Variants in XRRA1 observed in about 807,000 individuals in gnomAD.
XRRA1 encodes the protein X-ray radiation resistance-associated protein 1.
Under a neutral mutation model 80.2 loss-of-function variants are expected in XRRA1, and 69 were observed. The observed-to-expected ratio is 0.86, with a 90% CI of 0.71 to 1.05. The LOEUF (loss-of-function observed/expected upper bound fraction) is 1.05. XRRA1 is among the 50% of genes least tolerant of loss of function. The pLI is 0.00. For missense variants in XRRA1, 967 were observed against 976.4 expected, an observed-to-expected ratio of 0.99 and a Z score of 0.13; for synonymous variants, 348 against 389.9, an observed-to-expected ratio of 0.89 and a Z score of 1.27.
At chr11:74,890,276 C>T (rs1283589281) in intron 10 of XRRA1, among the ~76,000 whole-genome samples, 4 of 152,206 alleles carry the variant, frequency 2.6e-5, no homozygotes, top group African/African-American at 9.6e-5. Flanking sequence ...TACATGGAAA[C>T]TGAACAACCT....
chr11:74,933,259 T>C (rs1315905898), intron 5 of XRRA1: 1 of 152,104 alleles, frequency 6.6e-6, no homozygotes, highest in African/African-American at 2.4e-5. Flanking sequence ...AATTTTCTTT[T>C]CTTTTCTTTT....
At chr11:74,908,981 A>G (rs1377323482) in intron 8 of XRRA1, among the ~76,000 whole-genome samples, 1 of 152,202 alleles carries the variant, frequency 6.6e-6, no homozygotes, top group Non-Finnish European at 1.5e-5. Flanking sequence ...GCTGAGAGAC[A>G]GAACTTCCAG....
rs2054781623 is a variant in XRRA1 at position 74,907,150 on chromosome 11, G to T, written c.780C>A (p.Leu260=). 1 of 1,613,580 alleles carries T rather than the reference G, an allele frequency of 6.2e-7. No homozygotes were observed. The highest frequency in any genetic ancestry group is 1.7e-5 in the Admixed American group (1 of 60,014). The change falls in exon 9 of 19, where the codon CTC becomes CTA. Residue 260 remains leucine (L), a synonymous_variant. Coordinates refer to ENST00000684022, the MANE Select transcript of XRRA1 (RefSeq NM_001378157.1). The part of the protein sequence containing the change: ...NPSCFASLAG[L]RRLKKLSLDE... Reference sequence around the variant, plus strand: ...AGAAAGGCTTATGGCTTTACCTCCTGAGCCCAGCCAGGCTGGCAAAGCAAC... The same window carrying T: ...AGAAAGGCTTATGGCTTTACCTCCTTAGCCCAGCCAGGCTGGCAAAGCAAC...
intron 11 of XRRA1, among the ~76,000 whole-genome samples, chr11:74,860,684 A>G (rs1194082547): frequency 6.6e-6 from 1 of 152,184 alleles, no homozygotes; most frequent in African/African-American, 2.4e-5. Flanking sequence ...TCCCACATAC[A>G]TGCCCTTTTG....
rs944785103 is a variant in XRRA1 at position 74,896,836 on chromosome 11, A to G, written c.1003+9403T>C. Among the ~76,000 whole-genome samples, 8 of 152,332 alleles carry G rather than the reference A, an allele frequency of 5.3e-5. 1 individual carries two copies. Among genetic ancestry groups the G allele is most frequent in the African/African-American group, 1.9e-4 (8 of 41,584 alleles). On this transcript the variant is annotated intron_variant, in intron 10 of 18. Transcript: ENST00000684022. Reference sequence around the variant, plus strand: ...TTACCTAAGACAACCAAGATGGTGCATGTACAAGTTTGCAAAAATCACAGC... The same window carrying G: ...TTACCTAAGACAACCAAGATGGTGCGTGTACAAGTTTGCAAAAATCACAGC...
chr11:74,915,156 T>C (rs781733275), intron 8 of XRRA1, among the ~76,000 whole-genome samples: 1 of 152,346 alleles, frequency 6.6e-6, no homozygotes, highest in African/African-American at 2.4e-5. Flanking sequence ...ATGTATCTGA[T>C]TGGCCATTTG....
chr11:74,903,425 T>C (rs927475417), intron 10 of XRRA1, among the ~76,000 whole-genome samples: 1 of 152,202 alleles, frequency 6.6e-6, no homozygotes, highest in Non-Finnish European at 1.5e-5. Context: ...GTAACTAGGC[T>C]GGGCGCGGTG....
intron 10 of XRRA1, among the ~76,000 whole-genome samples, chr11:74,881,010 G>A (rs1180483128): frequency 0.011 from 1,533 of 144,344 alleles, 30 homozygotes; most frequent in African/African-American, 0.038. Context: ...CAATTCCTGG[G>A]TATCCTTGTT....
At chr11:74,912,017 G>C (rs1221585822) in intron 8 of XRRA1, among the ~76,000 whole-genome samples, 1 of 152,144 alleles carries the variant, frequency 6.6e-6, no homozygotes, top group East Asian at 1.9e-4. Flanking sequence ...CCATAGCCAG[G>C]AGAAAACTGT....
At chr11:74,899,957 T>TA (rs1171296577) in intron 10 of XRRA1, among the ~76,000 whole-genome samples, 1 of 151,670 alleles carries the variant, frequency 6.6e-6, no homozygotes, top group East Asian at 1.9e-4. Flanking sequence ...AAAAAAATAA[T>TA]AATACTGACC....
In XRRA1 at chr11:74,851,202, C is replaced by T. The variant is rs1490079480; in HGVS notation, c.1266G>A (p.Gly422=). 3 of 1,603,316 alleles carry T rather than the reference C, an allele frequency of 1.9e-6. No homozygotes were observed. The highest frequency in any genetic ancestry group is 2.6e-6 in the Non-Finnish European group (3 of 1,175,846). ...HNNPLVAHTR[G]VPPLLKSFLQ... is the part of the protein sequence containing the mutation. Reference sequence around the variant, plus strand: ...GGAAGCTCTTCAGCAGTGGAGGGACCCCTGGTGCCATGATGGGAAAATAAG... The same window carrying T: ...GGAAGCTCTTCAGCAGTGGAGGGACTCCTGGTGCCATGATGGGAAAATAAG... The change falls in exon 14 of 19, where the codon GGG becomes GGA. Residue 422 remains glycine, a splice_region_variant and synonymous_variant. Coordinates refer to ENST00000684022, the MANE Select transcript of XRRA1 (RefSeq NM_001378157.1).
intron 1 of XRRA1, among the ~76,000 whole-genome samples, chr11:74,948,511 A>C (rs1385909481): frequency 6.6e-6 from 1 of 152,242 alleles, no homozygotes; most frequent in Admixed American, 6.5e-5. Context: ...AAAATCTAGA[A>C]TACTATTACA....
intron 7 of XRRA1, among the ~76,000 whole-genome samples, chr11:74,927,015 C>T (rs916416335): frequency 2.6e-5 from 4 of 152,152 alleles, no homozygotes; most frequent in Non-Finnish European, 4.4e-5. Context: ...TCTTAAGCTC[C>T]ATGGCTCCTC....
intron 10 of XRRA1, among the ~76,000 whole-genome samples, chr11:74,881,121 A>G (rs1435643201): frequency 2.0e-5 from 3 of 147,190 alleles, no homozygotes; most frequent in Non-Finnish European, 3.0e-5. Flanking sequence ...GTCACTCAGG[A>G]CTTGCTTTAT....
At chr11:74,940,914 GAA>G in intron 2 of XRRA1, 32 bp from the exon 3 acceptor site, 1 of 1,554,056 alleles carries the variant, frequency 6.4e-7, no homozygotes, top group Non-Finnish European at 8.8e-7. Context: ...CAAGGAAGCA[GAA>G]GAGTGAAAAG....
chr11:74,852,437 CTT>C (rs2040109619), intron 12 of XRRA1, among the ~76,000 whole-genome samples: 1 of 152,180 alleles, frequency 6.6e-6, no homozygotes, highest in South Asian at 2.1e-4. Context: ...CGAACAAACT[CTT>C]TATCTCATAA....
At chr11:74,855,121 G>T (rs918596384) in intron 12 of XRRA1, among the ~76,000 whole-genome samples, 4 of 152,190 alleles carry the variant, frequency 2.6e-5, no homozygotes, top group Non-Finnish European at 5.9e-5. Flanking sequence ...TCCCACAAGG[G>T]CAGAGTTAAG....
At position 74,921,439 on chromosome 11, in the gene XRRA1, C is replaced by T. The variant is rs965177814; in HGVS notation, c.523-92G>A. 3.2e-5 allele frequency: 49 copies of T among 1,519,474 alleles called. 1 individual carries two copies. The Admixed American group carries it at 8.6e-4, about 27-fold the overall frequency. The allele number at this position is 1,519,474 out of a possible 1,614,324, so 94.1% of individuals were successfully genotyped here. On this transcript the variant is annotated intron_variant, in intron 7 of 18. Coordinates refer to ENST00000684022, the MANE Select transcript of XRRA1 (RefSeq NM_001378157.1). The stretch of plus-strand genomic sequence containing the variant: ...GTGGGAGCTACTTTCTAGAGTGCCC[C>T]ATCGCCCACAGGACAAAACCCTCCT...
chr11:74,862,899 G>A (rs1178100540), intron 11 of XRRA1, 82 bp downstream of exon 11: 2 of 1,246,070 alleles, frequency 1.6e-6, no homozygotes, highest in South Asian at 3.0e-5. Context: ...TGACTCTCAT[G>A]GCTCCATTAT....
Sources: allele counts gnomAD v4.1 joint callset (sites outside exome capture counted in the v4.1 genomes callset), GRCh38; gene constraint gnomAD v4.1.1; transcripts MANE v1.5; gene names NCBI Gene and HGNC (gene_info 2026-07-23, HGNC 2026-07-21).